The following OPRM1 variants were observed in gnomAD, a reference collection of about 807,000 sequenced individuals.
The protein encoded by OPRM1 is mu-type opioid receptor.
OPRM1 carries 27 observed loss-of-function variants against 31.8 expected under a neutral mutation model. That is an observed-to-expected ratio of 0.85 (90% confidence interval 0.63 to 1.17). The LOEUF (loss-of-function observed/expected upper bound fraction) is 1.17, where lower values mean the gene tolerates loss of function less well. OPRM1 is among the 50% of genes most tolerant of loss of function. OPRM1 has a pLI of 0.00. For missense variants in OPRM1, 536 were observed against 511.1 expected (o/e 1.05, Z -0.47); for synonymous variants, 196 against 189.9 (o/e 1.03, Z -0.26).
intron 1 of OPRM1, among the ~76,000 whole-genome samples, chr6:154,056,397 C>G (rs942820676): frequency 3.9e-5 from 6 of 151,970 alleles, no homozygotes; most frequent in African/African-American, 1.5e-4. Flanking sequence ...GCTGGGATTA[C>G]AGGCGTGAGC....
At chr6:154,211,419 A>C (rs1035415831) in intron 3 of OPRM1, among the ~76,000 whole-genome samples, 1 of 142,890 alleles carries the variant, frequency 7.0e-6, no homozygotes, top group Non-Finnish European at 1.5e-5. Flanking sequence ...AAAAACAAAG[A>C]AAAAAAAAAA....
intron 3 of OPRM1, among the ~76,000 whole-genome samples, chr6:154,152,290 AAG>A (rs1378613194): frequency 3.4e-5 from 5 of 146,874 alleles, no homozygotes; most frequent in African/African-American, 7.7e-5. Flanking sequence ...AAAGAAAAGG[AAG>A]AGAGAAGAAA....
chr6:154,195,147 CT>C (rs10719288), intron 3 of OPRM1, among the ~76,000 whole-genome samples: 36,635 of 122,316 alleles, frequency 0.3, 3,214 homozygotes, highest in Middle Eastern at 0.4. Flanking sequence ...TCTTTTCTTT[CT>C]TTTTTTTTTT....
chr6:154,112,239 G>A (rs1796440980), intron 3 of OPRM1, among the ~76,000 whole-genome samples: 1 of 152,160 alleles, frequency 6.6e-6, no homozygotes, highest in Non-Finnish European at 1.5e-5. Flanking sequence ...GAAAATGGTA[G>A]GAAGTTCCAA....
chr6:154,200,939 G>T (rs1177113974), intron 3 of OPRM1, among the ~76,000 whole-genome samples: 3 of 152,170 alleles, frequency 2.0e-5, no homozygotes, highest in African/African-American at 7.2e-5. Context: ...CATGTCGAGG[G>T]AGGGACCTGA....
chr6:154,224,976 G>A (rs909793685), intron 3 of OPRM1, among the ~76,000 whole-genome samples: 3 of 152,048 alleles, frequency 2.0e-5, no homozygotes, highest in African/African-American at 7.2e-5. Context: ...TTCTCAATCC[G>A]CCTTACAAAA....
intron 3 of OPRM1, among the ~76,000 whole-genome samples, chr6:154,198,473 A>G (rs764145559): frequency 6.6e-6 from 1 of 152,202 alleles, no homozygotes; most frequent in Non-Finnish European, 1.5e-5. Context: ...GTTGGCCTAA[A>G]TAAAGGGGAG....
intron 3 of OPRM1, among the ~76,000 whole-genome samples, chr6:154,208,755 A>C (rs181995320): frequency 1.8e-4 from 27 of 152,364 alleles, no homozygotes; most frequent in Non-Finnish European, 3.7e-4. Context: ...TTTGTAGCTT[A>C]TAAAATTATC....
At chr6:154,116,362 G>T (rs1796875330) in intron 3 of OPRM1, among the ~76,000 whole-genome samples, 1 of 152,096 alleles carries the variant, frequency 6.6e-6, no homozygotes, top group South Asian at 2.1e-4. Context: ...GAGGCAAGTA[G>T]ATCACTTGAG....
intron 3 of OPRM1, among the ~76,000 whole-genome samples, chr6:154,205,589 C>CT (rs1177265878): frequency 6.6e-6 from 1 of 152,126 alleles, no homozygotes; most frequent in Non-Finnish European, 1.5e-5. Flanking sequence ...GAGTAAGACT[C>CT]TGTTTCAAAA....
rs188010107 is a variant in OPRM1 at position 154,108,727 on chromosome 6, G to A, written c.1165-9956G>A. ...CTCTAACACCCTAAATCTTAGAAGA[G>A]ACTCTAACCATCCTAAGTAGGGCCT... On this transcript the variant is annotated intron_variant, in intron 3 of 3. Coordinates refer to ENST00000330432, the MANE Select transcript of OPRM1 (RefSeq NM_000914.5). The A allele has an allele frequency of 2.1e-5, 20 of 957,998 alleles. No homozygotes were observed. The East Asian group carries it at 2.2e-3, about 105-fold the overall frequency. The allele number at this position is 957,998 out of a possible 1,614,324, so 59.3% of individuals were successfully genotyped here.
rs137960835 is a variant in OPRM1 at position 154,096,111 on chromosome 6, G to A, written c.1164+4639G>A. 7.9e-5 allele frequency among the ~76,000 whole-genome samples: 12 copies of A among 152,312 alleles called. No homozygotes were observed. The East Asian group carries it at 2.1e-3, about 27-fold the overall frequency. On this transcript the variant is annotated intron_variant, in intron 3 of 3. Transcript: ENST00000330432. Reference sequence around the variant, plus strand: ...ATTACTCTGTCGCCCAGGCTGGAGTGCAGTGGTGCGATCTCAGCTCACTGC... The same window carrying A: ...ATTACTCTGTCGCCCAGGCTGGAGTACAGTGGTGCGATCTCAGCTCACTGC...
intron 3 of OPRM1, chr6:154,200,192 TTC>T: frequency 1.4e-6 from 1 of 719,496 alleles, no homozygotes; most frequent in Non-Finnish European, 2.2e-6. Flanking sequence ...TGATATTTAT[TTC>T]TGTTTGACAC....
At chr6:154,221,847 C>T (rs1023255352) in intron 3 of OPRM1, among the ~76,000 whole-genome samples, 2 of 152,164 alleles carry the variant, frequency 1.3e-5, no homozygotes, top group African/African-American at 4.8e-5. Context: ...GCACTCCAGT[C>T]TGGGTGACAG....
In OPRM1 at chr6:154,237,168, T is replaced by G. The variant is rs573096790; in HGVS notation, c.1165-9525T>G. On this transcript the variant is annotated intron_variant, in intron 3 of 3. Coordinates refer to the OPRM1 transcript ENST00000337049. ...AGATGATAAATCTTCAAATAAAGAC[T>G]TCTCAGGAAAATCCTCAAACCTAAT... is the stretch of plus-strand genomic sequence containing the variant. Among the ~76,000 whole-genome samples, 5 of 152,290 alleles carry G rather than the reference T, an allele frequency of 3.3e-5. No homozygotes were observed. In the South Asian group the frequency reaches 8.3e-4, roughly 25 times the overall value.
intron 3 of OPRM1, among the ~76,000 whole-genome samples, chr6:154,100,433 T>C (rs1003019337): frequency 6.6e-6 from 1 of 151,710 alleles, no homozygotes; most frequent in African/African-American, 2.4e-5. Flanking sequence ...GTTGCTTTAC[T>C]GTGTATGAAT....
rs139580367 is a variant in OPRM1 at position 154,096,267 on chromosome 6, T to C, written c.1164+4795T>C. ...TGGAGATGGGGTTTCACCTTGTTGG[T>C]CAGGCTGGCCTCAAACTCTTGACCC... On this transcript the variant is annotated intron_variant, in intron 3 of 3. Transcript: ENST00000330432. Among the ~76,000 whole-genome samples the C allele has an allele frequency of 1.0e-3, 154 of 152,122 alleles. 1 individual carries two copies. Among genetic ancestry groups the C allele is most frequent in the African/African-American group, 3.5e-3 (145 of 41,498 alleles).
chr6:154,217,060 G>C (rs1778457217), intron 3 of OPRM1: 1 of 160,358 alleles, frequency 6.2e-6, no homozygotes, highest in African/African-American at 2.4e-5. Context: ...TATATGAAAA[G>C]CCACCAAGTT....
intron 1 of OPRM1, among the ~76,000 whole-genome samples, chr6:154,015,539 AT>A (rs1777956536): frequency 6.6e-6 from 1 of 152,092 alleles, no homozygotes; most frequent in Non-Finnish European, 1.5e-5. Flanking sequence ...ATTCTAAAAA[AT>A]TAAACCCTGT....
Sources: allele counts gnomAD v4.1 joint callset (sites outside exome capture counted in the v4.1 genomes callset), GRCh38; gene constraint gnomAD v4.1.1; transcripts MANE v1.5; gene names NCBI Gene and HGNC (gene_info 2026-07-23, HGNC 2026-07-21).